Variants in GTF2IRD1 observed in about 807,000 individuals in gnomAD.
The protein encoded by GTF2IRD1 is general transcription factor II-I repeat domain-containing protein 1.
GTF2IRD1 carries 26 observed loss-of-function variants against 113.2 expected under a neutral mutation model. The observed-to-expected ratio is 0.23, with a 90% CI of 0.17 to 0.32. GTF2IRD1 has a LOEUF of 0.32. GTF2IRD1 is among the 10% of genes least tolerant of loss of function. GTF2IRD1 has a pLI of 1.00. For missense variants in GTF2IRD1, 864 were observed against 1,280.8 expected (o/e 0.67, Z 4.97); for synonymous variants, 484 against 529.1 (o/e 0.91, Z 1.17).
chr7:74,579,451 C>CT (rs1801280611), intron 22 of GTF2IRD1, among the ~76,000 whole-genome samples: 1 of 152,072 alleles, frequency 6.6e-6, no homozygotes, highest in Admixed American at 6.6e-5. Flanking sequence ...AACCCCGTCT[C>CT]TACTAAAAAT....
intron 26 of GTF2IRD1, chr7:74,601,382 C>G (rs1040387502): frequency 3.3e-6 from 5 of 1,505,930 alleles, no homozygotes; most frequent in Non-Finnish European, 4.4e-6. Flanking sequence ...GGGGTACTCA[C>G]AGGCACTCAG....
intron 8 of GTF2IRD1, among the ~76,000 whole-genome samples, chr7:74,525,690 GA>G (rs587716950): frequency 1.9e-3 from 282 of 152,216 alleles, no homozygotes; most frequent in African/African-American, 6.3e-3. Flanking sequence ...CCGGGAGGCA[GA>G]GGTTGCAGTG....
At chr7:74,564,132 T>TA (rs1486098387) in intron 22 of GTF2IRD1, among the ~76,000 whole-genome samples, 1 of 152,178 alleles carries the variant, frequency 6.6e-6, no homozygotes, top group African/African-American at 2.4e-5. Context: ...GTTCAAGCGA[T>TA]TCGCCTGCCT....
At chr7:74,456,792 T>C (rs1654200426) in intron 1 of GTF2IRD1, among the ~76,000 whole-genome samples, 1 of 152,190 alleles carries the variant, frequency 6.6e-6, no homozygotes, top group Admixed American at 6.5e-5. Flanking sequence ...AAGGTTCTTC[T>C]TGGCCTTTCC....
At chr7:74,583,732 G>A (rs1474437199) in intron 22 of GTF2IRD1, among the ~76,000 whole-genome samples, 6 of 152,086 alleles carry the variant, frequency 3.9e-5, no homozygotes, top group Non-Finnish European at 5.9e-5. Context: ...CCTGGTTTAG[G>A]GTTGCACTTC....
intron 20 of GTF2IRD1, among the ~76,000 whole-genome samples, chr7:74,558,354 T>TC (rs1799737723): frequency 9.5e-6 from 1 of 105,304 alleles, no homozygotes; most frequent in Non-Finnish European, 2.0e-5. Flanking sequence ...TTTCTTTTTT[T>TC]TTTTTTTTTT....
At chr7:74,554,164 C>T (rs1799470500) in intron 17 of GTF2IRD1, among the ~76,000 whole-genome samples, 2 of 151,916 alleles carry the variant, frequency 1.3e-5, no homozygotes, top group African/African-American at 4.9e-5. Flanking sequence ...ATTACCTCTC[C>T]AGAGAGCTCA....
intron 22 of GTF2IRD1, among the ~76,000 whole-genome samples, chr7:74,563,484 G>A (rs1800103371): frequency 6.6e-6 from 1 of 152,032 alleles, no homozygotes; most frequent in Non-Finnish European, 1.5e-5. Flanking sequence ...GGCTGAGGCA[G>A]GAGAATCGCT....
chr7:74,538,555 G>C (rs1402560307), intron 12 of GTF2IRD1, 125 bp from the exon 13 acceptor site: 2 of 786,198 alleles, frequency 2.5e-6, no homozygotes, highest in African/African-American at 1.7e-5. Context: ...CCAGGGGGCT[G>C]ACATGACTTG....
intron 4 of GTF2IRD1, 96 bp from the exon 5 acceptor site, chr7:74,518,043 C>A: frequency 1.3e-6 from 1 of 788,042 alleles, no homozygotes; most frequent in Non-Finnish European, 1.9e-6. Flanking sequence ...CCAAGGGGAG[C>A]CACTCAGCAC....
At chr7:74,462,054 A>C (rs1416837064) in intron 1 of GTF2IRD1, among the ~76,000 whole-genome samples, 1 of 152,130 alleles carries the variant, frequency 6.6e-6, no homozygotes, top group Non-Finnish European at 1.5e-5. Flanking sequence ...CCTAGACAAC[A>C]TAGTGAAACC....
chr7:74,591,320 G>T, intron 24 of GTF2IRD1, among the ~76,000 whole-genome samples: 1 of 147,598 alleles, frequency 6.8e-6, no homozygotes, highest in South Asian at 2.1e-4. Flanking sequence ...ATTTAAATAT[G>T]AATATTTATT....
At chr7:74,501,523 TG>T (rs1796032438) in intron 1 of GTF2IRD1, among the ~76,000 whole-genome samples, 1 of 152,164 alleles carries the variant, frequency 6.6e-6, no homozygotes, top group Non-Finnish European at 1.5e-5. Context: ...GCCGAGCCCC[TG>T]GGCCAGATTC....
At chr7:74,578,221 G>A (rs1554365085) in intron 22 of GTF2IRD1, among the ~76,000 whole-genome samples, 1 of 151,884 alleles carries the variant, frequency 6.6e-6, no homozygotes. Flanking sequence ...TCGCACTGTC[G>A]CCCAGGCTGG....
At chr7:74,457,663 T>G (rs1229639398) in intron 1 of GTF2IRD1, among the ~76,000 whole-genome samples, 1 of 152,092 alleles carries the variant, frequency 6.6e-6, no homozygotes, top group Non-Finnish European at 1.5e-5. Flanking sequence ...CTCAGTTCTC[T>G]GACTCTCGCC....
chr7:74,460,174 G>A (rs939232925), intron 1 of GTF2IRD1, among the ~76,000 whole-genome samples: 6 of 151,874 alleles, frequency 4.0e-5, no homozygotes, highest in African/African-American at 9.7e-5. Flanking sequence ...ATGGGGTTTC[G>A]CCATGTTGCC....
intron 22 of GTF2IRD1, among the ~76,000 whole-genome samples, chr7:74,580,968 G>A (rs587673654): frequency 8.3e-4 from 127 of 152,258 alleles, no homozygotes; most frequent in African/African-American, 2.8e-3. Context: ...AGGTCCTCCC[G>A]AGAATAGGTT....
At position 74,569,694 on chromosome 7, in the gene GTF2IRD1, T is replaced by C. The variant is rs782006402; in HGVS notation, c.2320+10039T>C. Among the ~76,000 whole-genome samples the C allele has an allele frequency of 1.9e-3, 287 of 150,900 alleles. 7 individuals carry two copies. Among genetic ancestry groups the C allele is most frequent in the Non-Finnish European group, 9.4e-4 (64 of 67,794 alleles). On this transcript the variant is annotated intron_variant, in intron 22 of 26. Coordinates refer to ENST00000424337, the MANE Select transcript of GTF2IRD1 (RefSeq NM_005685.4). Reference sequence around the variant, plus strand: ...AAACTAGGGCAGAGAAGCCAGGGAGTGTTGAGAAGGTCTGAACCCAGGCAG... The same window carrying C: ...AAACTAGGGCAGAGAAGCCAGGGAGCGTTGAGAAGGTCTGAACCCAGGCAG...
chr7:74,462,724 C>A (rs1030213822), intron 1 of GTF2IRD1, among the ~76,000 whole-genome samples: 1 of 152,220 alleles, frequency 6.6e-6, no homozygotes, highest in East Asian at 1.9e-4. Flanking sequence ...ACCCACCCCC[C>A]ACATCAAGAG....
Sources: gnomAD v4.1 joint callset for allele counts (sites outside exome capture counted in the v4.1 genomes callset) on GRCh38, gnomAD v4.1.1 for gene constraint, MANE v1.5 for transcripts, NCBI Gene and HGNC (gene_info 2026-07-23, HGNC 2026-07-21) for gene names.